The following SVIP variants were observed in gnomAD, a reference collection of about 807,000 sequenced individuals.
SVIP encodes small VCP interacting protein.
A neutral mutation model predicts 12.9 loss-of-function variants in SVIP; 14 were observed. That is an observed-to-expected ratio of 1.08 (90% CI 0.72 to 1.70). The LOEUF is 1.70. SVIP is among the 40% of genes most tolerant of loss of function. The pLI, the probability that SVIP is intolerant of heterozygous loss-of-function variation, is 0.00. For synonymous variants in SVIP, 35 were observed against 33.3 expected, an observed-to-expected ratio of 1.05 and a Z score of -0.17; for missense variants, 93 against 90.8, an observed-to-expected ratio of 1.02 and a Z score of -0.10.
Position 22,822,800 on chromosome 11 carries a change from T to C in SVIP, c.*319A>G, listed in dbSNP as rs569317631. On this transcript the variant is annotated 3_prime_UTR_variant, in exon 4 of 4. Transcript: ENST00000354193. ...ATGAAAAGACAACTGCGAATTTTAATCTTAGAGGTATATGCAGAATGTTTA... is the reference window on the plus strand; with the variant it reads ...ATGAAAAGACAACTGCGAATTTTAACCTTAGAGGTATATGCAGAATGTTTA... 2.9e-4 allele frequency: 69 copies of C among 236,516 alleles called. 1 individual carries two copies. The highest frequency in any genetic ancestry group is 4.5e-4 in the Non-Finnish European group (55 of 122,340). The allele number at this position is 236,516 out of a possible 1,614,324, so 14.7% of individuals were successfully genotyped here.
chr11:22,827,233 C>G lies in SVIP; in HGVS notation c.193G>C (p.Gly65Arg). The G allele has an allele frequency of 6.2e-7, 1 of 1,608,772 alleles. No individual in the cohort carries two copies. The highest frequency in any genetic ancestry group is 8.5e-7 in the Non-Finnish European group (1 of 1,177,890). ...CTAAGTCCACCTTCTGGTGGGGGCC[C>G]GGATGTAGCAATTTGTTTTTCTATT... is the stretch of plus-strand genomic sequence containing the variant. ...EKIEKQIATS[G>R]PPPEGGLRWT... Residue 65 changes from glycine to arginine, a missense_variant, in exon 3 of 4, where the codon GGG becomes CGG. Transcript: ENST00000354193.
intron 3 of SVIP, 23 bp from the exon 4 acceptor site, chr11:22,823,156 A>C: frequency 6.4e-7 from 1 of 1,566,362 alleles, no homozygotes. Flanking sequence ...AAAAAGAGAC[A>C]GAAAAGTAAA....
In SVIP at chr11:22,819,308, A is replaced by G. The variant is rs1857408081; in HGVS notation, c.*3811T>C. On this transcript the variant is annotated 3_prime_UTR_variant, in exon 4 of 4. Coordinates refer to ENST00000354193, the MANE Select transcript of SVIP (RefSeq NM_148893.3). ...AGCATAACTCCTTGATATCTGACTT[A>G]TGTAACAAGATAAATTTCAGGGAAA... is the stretch of plus-strand genomic sequence containing the variant. The G allele has an allele frequency of 6.6e-6, 1 of 152,214 alleles. No individual in the cohort carries two copies. Among genetic ancestry groups the G allele is most frequent in the Admixed American group, 6.5e-5 (1 of 15,282 alleles). The allele number at this position is 152,214 out of a possible 1,614,324, so 9.4% of individuals were successfully genotyped here. A position where few individuals can be genotyped will look rare whatever the true frequency, so the allele number is the denominator to read the frequency against.
intron 3 of SVIP, among the ~76,000 whole-genome samples, chr11:22,824,459 T>C (rs575732299): frequency 4.2e-4 from 61 of 143,704 alleles, no homozygotes; most frequent in Middle Eastern, 3.6e-3. Context: ...TATATATATA[T>C]ACACATATAT....
chr11:22,829,435 T>G, intron 1 of SVIP: 1 of 405,892 alleles, frequency 2.5e-6, no homozygotes, highest in Non-Finnish European at 4.4e-6. Context: ...GCAGCTAAAG[T>G]CAGTGGAAGG....
intron 3 of SVIP, among the ~76,000 whole-genome samples, chr11:22,826,035 T>C (rs1857687026): frequency 6.6e-6 from 1 of 152,232 alleles, no homozygotes; most frequent in Non-Finnish European, 1.5e-5. Context: ...TGTTTTACTT[T>C]ACACTAGACC....
chr11:22,827,704 A>T (rs1857770655), intron 2 of SVIP, 120 bp downstream of exon 2: 1 of 605,730 alleles, frequency 1.7e-6, no homozygotes, highest in Non-Finnish European at 2.8e-6. Context: ...ATTACATTTA[A>T]ATGTAAATTT....
Position 22,829,772 on chromosome 11 carries a change from G to A in SVIP, c.-24C>T, listed in dbSNP as rs781731873. On this transcript the variant is annotated 5_prime_UTR_variant, in exon 1 of 4. Coordinates refer to ENST00000354193, the MANE Select transcript of SVIP (RefSeq NM_148893.3). ...ATAGGGACGACAGCTTGAGAACCCT[G>A]ACCGGGTCCGGCCCAGGCCAGGCGG... 1.3e-6 allele frequency: 2 copies of A among 1,594,538 alleles called. No individual in the cohort carries two copies. The highest frequency in any genetic ancestry group is 1.7e-5 in the Admixed American group (1 of 57,660).
At chr11:22,826,882 G>C (rs990677) in intron 3 of SVIP, among the ~76,000 whole-genome samples, 2 of 152,074 alleles carry the variant, frequency 1.3e-5, no homozygotes, top group Admixed American at 6.5e-5. Flanking sequence ...ATGGTACTTA[G>C]TTTGGATGAC....
Position 22,827,335 on chromosome 11 carries a change from A to G in SVIP, c.106-15T>C, listed in dbSNP as rs1434820451. On this transcript the variant is annotated splice_polypyrimidine_tract_variant and intron_variant, in intron 2 of 3. Transcript: ENST00000354193. ...CGAGATGCAGCCTTGAAGAAATTTG[A>G]TAAGAAAAACAGAAAGACAACAAAA... The G allele has an allele frequency of 1.3e-6, 2 of 1,583,618 alleles. No homozygotes were observed. The highest frequency in any genetic ancestry group is 1.7e-6 in the Non-Finnish European group (2 of 1,167,984).
intron 1 of SVIP, 82 bp from the exon 2 acceptor site, chr11:22,827,956 T>C: frequency 8.8e-7 from 1 of 1,133,984 alleles, no homozygotes; most frequent in Admixed American, 2.9e-5. Context: ...ATAGGCACTA[T>C]AACAATTTAC....
intron 2 of SVIP, 36 bp from the exon 3 acceptor site, chr11:22,827,356 C>T: frequency 6.5e-7 from 1 of 1,537,624 alleles, no homozygotes; most frequent in Non-Finnish European, 8.8e-7. Context: ...AGAAAGACAA[C>T]AAAAATCTGT....
intron 1 of SVIP, 99 bp downstream of exon 1, chr11:22,829,596 C>A: frequency 7.8e-7 from 1 of 1,289,006 alleles, no homozygotes; most frequent in East Asian, 2.7e-5. Flanking sequence ...AGCGGGCTCT[C>A]GACCTGCGCC....
Position 22,822,959 on chromosome 11 carries a change from C to T in SVIP, c.*160G>A. On this transcript the variant is annotated 3_prime_UTR_variant, in exon 4 of 4. Transcript: ENST00000354193. ...ATGAAAAGTCTAGCCATTCTCTAAG[C>T]TTGAAAATCAACGTTTTTTTAGCAT... is the stretch of plus-strand genomic sequence containing the variant. 2 of 586,136 alleles carry T rather than the reference C, an allele frequency of 3.4e-6. No individual in the cohort carries two copies. The highest frequency in any genetic ancestry group is 2.6e-5 in the South Asian group (1 of 38,834). 36.3% of individuals were successfully genotyped at this position (586,136 alleles called of 1,614,324 possible).
rs563258806 is a variant in SVIP, at chr11:22,829,781, C to T, written c.-33G>A. On this transcript the variant is annotated 5_prime_UTR_variant, in exon 1 of 4. Transcript: ENST00000354193. ...ACAGCTTGAGAACCCTGACCGGGTC[C>T]GGCCCAGGCCAGGCGGCGCTAACTG... is the stretch of plus-strand genomic sequence containing the variant. 3.2e-5 allele frequency: 50 copies of T among 1,582,016 alleles called. No homozygotes were observed. Among genetic ancestry groups the T allele is most frequent in the African/African-American group, 5.4e-5 (4 of 73,440 alleles).
rs746754820 is a variant in SVIP, at chr11:22,827,190, A to T, written c.219+17T>A. 6.3e-7 allele frequency: 1 copy of T among 1,587,706 alleles called. No homozygotes were observed. Among genetic ancestry groups the T allele is most frequent in the East Asian group, 2.3e-5 (1 of 44,444 alleles). ...AATGCCAGTTAAGTTAATCACTAAG[A>T]AAATTTTAATACTTACCCTAAGTCC... On this transcript the variant is annotated intron_variant, in intron 3 of 3. Transcript: ENST00000354193.
chr11:22,828,364 TAC>T (rs1857802856), intron 1 of SVIP, among the ~76,000 whole-genome samples: 1 of 152,208 alleles, frequency 6.6e-6, no homozygotes, highest in South Asian at 2.1e-4. Context: ...CTAGACCATG[TAC>T]TACTTATTAT....
chr11:22,824,845 G>C (rs1037478539), intron 3 of SVIP, among the ~76,000 whole-genome samples: 2 of 152,070 alleles, frequency 1.3e-5, no homozygotes, highest in African/African-American at 2.4e-5. Flanking sequence ...GTGTGAGGTG[G>C]AGCCCAATGA....
Position 22,822,823 on chromosome 11 carries a change from T to C in SVIP, c.*296A>G. ...AATCTTAGAGGTATATGCAGAATGT[T>C]TACATGCAGTGTATGTATATTCACT... is the stretch of plus-strand genomic sequence containing the variant. On this transcript the variant is annotated 3_prime_UTR_variant, in exon 4 of 4. Transcript: ENST00000354193. 5 of 294,998 alleles carry C rather than the reference T, an allele frequency of 1.7e-5. No homozygotes were observed. Among genetic ancestry groups the C allele is most frequent in the Non-Finnish European group, 6.3e-6 (1 of 158,676 alleles). 18.3% of individuals were successfully genotyped at this position (294,998 alleles called of 1,614,324 possible).
Sources: allele counts gnomAD v4.1 joint callset (sites outside exome capture counted in the v4.1 genomes callset), GRCh38; gene constraint gnomAD v4.1.1; transcripts MANE v1.5; gene names NCBI Gene and HGNC (gene_info 2026-07-23, HGNC 2026-07-21).